Variants in HNF4G observed in about 807,000 individuals in gnomAD.
HNF4G encodes the protein hepatocyte nuclear factor 4 gamma.
Under a neutral mutation model 50.9 loss-of-function variants are expected in HNF4G, and 21 were observed. That is an observed-to-expected ratio of 0.41 (90% CI 0.29 to 0.59). The LOEUF is 0.59. Among genes scored for constraint, HNF4G ranks in the 20% least tolerant of loss-of-function variants. HNF4G has a pLI of 0.26. For missense variants in HNF4G, 527 were observed against 559.4 expected, an observed-to-expected ratio of 0.94 and a Z score of 0.58; for synonymous variants, 198 against 185.6, an observed-to-expected ratio of 1.07 and a Z score of -0.54.
intron 2 of HNF4G, among the ~76,000 whole-genome samples, chr8:75,512,085 T>A (rs1805770634): frequency 6.6e-6 from 1 of 152,140 alleles, no homozygotes; most frequent in South Asian, 2.1e-4. Flanking sequence ...TAATATTATA[T>A]TGTAAATTAT....
In HNF4G at chr8:75,560,423, A is replaced by G. The variant is rs1452037313; in HGVS notation, c.1203A>G (p.Ile401Met). Residue 401 changes from isoleucine (I) to methionine (M), a missense_variant, in exon 9 of 10, where the codon ATA becomes ATG. Around this residue, in one of 5 missense-constraint regions of HNF4G, gnomAD observed 308 missense variants for 301.5 expected, o/e 1.02. Coordinates refer to ENST00000396423, the MANE Select transcript of HNF4G (RefSeq NM_004133.5). ...LSQDPLTGQTILLGPMSTLVH... is the reference protein window; with the variant it reads ...LSQDPLTGQTMLLGPMSTLVH... ...AAGACCCATTAACTGGACAAACTATACTTTTAGGTCCCATGTCAACACTGG... is the reference window on the plus strand; with the variant it reads ...AAGACCCATTAACTGGACAAACTATGCTTTTAGGTCCCATGTCAACACTGG... The G allele has an allele frequency of 6.2e-7, 1 of 1,613,020 alleles. No homozygotes were observed. The highest frequency in any genetic ancestry group is 8.5e-7 in the Non-Finnish European group (1 of 1,179,300).
chr8:75,540,882 T>TGTGTGTGTGC (rs1806601765), intron 1 of HNF4G, among the ~76,000 whole-genome samples: 1 of 151,414 alleles, frequency 6.6e-6, no homozygotes, highest in Non-Finnish European at 1.5e-5. Context: ...TGTGTGTGTG[T>TGTGTGTGTGC]TTAATGCAAG....
At chr8:75,563,881 A>G in intron 9 of HNF4G, 94 bp from the exon 10 acceptor site, 1 of 1,369,070 alleles carries the variant, frequency 7.3e-7, no homozygotes, top group Non-Finnish European at 1.0e-6. Flanking sequence ...AACATTTCCA[A>G]ATTACGCTAA....
rs1319407722 is a variant in HNF4G at position 75,551,409 on chromosome 8, G to C, written c.404G>C (p.Arg135Thr). The C allele has an allele frequency of 6.2e-7, 1 of 1,610,850 alleles. No individual in the cohort carries two copies. The highest frequency in any genetic ancestry group is 8.5e-7 in the Non-Finnish European group (1 of 1,177,354). ...KKEAVQNERD[R>T]ISTRRSTFDG... ...CTAGCTGTACAAAATGAACGTGACA[G>C]AATAAGCACCAGAAGAAGCACATTT... Residue 135 changes from arginine (R) to threonine (T), a missense_variant, in exon 4 of 10, where the codon AGA (arginine) becomes ACA (threonine). Arg to Thr is a moderately conservative substitution (Grantham distance 71). This residue lies in a region of HNF4G where 128 missense variants were observed against 135.3 expected (regional missense o/e 0.95). Coordinates refer to ENST00000396423, the MANE Select transcript of HNF4G (RefSeq NM_004133.5).
In HNF4G at chr8:75,554,206, G is replaced by A. The variant is rs138580608; in HGVS notation, c.645+1009G>A. ...TAGCATGGCTCAGAAGGTTATGCCA[G>A]TGAATAACGCTAAATTGCTAAAACC... On this transcript the variant is annotated intron_variant, in intron 5 of 9. Coordinates refer to ENST00000396423, the MANE Select transcript of HNF4G (RefSeq NM_004133.5). Among the ~76,000 whole-genome samples, 875 of 152,232 alleles carry A rather than the reference G, an allele frequency of 5.7e-3. 7 individuals carry two copies. Among genetic ancestry groups the A allele is most frequent in the African/African-American group, 0.019 (779 of 41,552 alleles).
At chr8:75,466,130 A>G (rs1374462816) in intron 1 of HNF4G, among the ~76,000 whole-genome samples, 1 of 152,188 alleles carries the variant, frequency 6.6e-6, no homozygotes, top group Non-Finnish European at 1.5e-5. Context: ...TCCAAAATGC[A>G]AATATGTTTC....
chr8:75,515,822 A>G (rs144425528), intron 2 of HNF4G, among the ~76,000 whole-genome samples: 1,729 of 151,840 alleles, frequency 0.011, 33 homozygotes, highest in African/African-American at 0.04. Flanking sequence ...CTGGAGTGCA[A>G]TGGTGTGATC....
intron 1 of HNF4G, among the ~76,000 whole-genome samples, chr8:75,472,259 TA>T (rs1163181964): frequency 6.6e-6 from 1 of 152,188 alleles, no homozygotes; most frequent in Non-Finnish European, 1.5e-5. Flanking sequence ...AGAAAGTATT[TA>T]GCTTAGAAAT....
chr8:75,514,552 C>T (rs1055894829), intron 2 of HNF4G, among the ~76,000 whole-genome samples: 3 of 151,720 alleles, frequency 2.0e-5, no homozygotes, highest in African/African-American at 7.3e-5. Context: ...GGGGTTTCAC[C>T]ATGTTGGCCA....
intron 2 of HNF4G, among the ~76,000 whole-genome samples, chr8:75,530,044 G>C (rs1379719852): frequency 6.6e-6 from 1 of 152,042 alleles, no homozygotes; most frequent in Non-Finnish European, 1.5e-5. Context: ...TGAACCTGGG[G>C]ACTTGTGCCA....
intron 2 of HNF4G, among the ~76,000 whole-genome samples, chr8:75,516,746 C>A (rs1291613551): frequency 6.6e-6 from 1 of 151,994 alleles, no homozygotes; most frequent in Non-Finnish European, 1.5e-5. Context: ...TTGTTAAGTC[C>A]ATATATATTT....
At chr8:75,517,144 G>A (rs1805909445) in intron 2 of HNF4G, among the ~76,000 whole-genome samples, 1 of 152,064 alleles carries the variant, frequency 6.6e-6, no homozygotes. Context: ...AGAATAGCAT[G>A]GGAAAGACCC....
chr8:75,511,076 C>A (rs924172037), intron 2 of HNF4G, among the ~76,000 whole-genome samples: 1 of 151,890 alleles, frequency 6.6e-6, no homozygotes, highest in African/African-American at 2.4e-5. Context: ...ATTCATTTTT[C>A]TGTTCTGAGA....
chr8:75,432,781 A>T (rs1237672171), intron 1 of HNF4G, among the ~76,000 whole-genome samples: 1 of 152,152 alleles, frequency 6.6e-6, no homozygotes, highest in Non-Finnish European at 1.5e-5. Context: ...TAGTCCAGAA[A>T]TGACAGTGTG....
intron 2 of HNF4G, among the ~76,000 whole-genome samples, chr8:75,515,601 G>A (rs1213259489): frequency 6.6e-6 from 1 of 152,274 alleles, no homozygotes; most frequent in South Asian, 2.1e-4. Context: ...TGTAAGGTCT[G>A]TTTGGAGTCA....
rs139429237 is a variant in HNF4G, at chr8:75,434,002, CTT to C, written c.-144+25859_-144+25860del. Among the ~76,000 whole-genome samples, 697 of 123,276 alleles carry C rather than the reference CTT, an allele frequency of 5.7e-3. 1 individual carries two copies. Among genetic ancestry groups the C allele is most frequent in the African/African-American group, 0.019 (645 of 33,112 alleles). The allele number at this position is 123,276 out of a possible 152,430, so 80.9% of individuals were successfully genotyped here. A position where few individuals can be genotyped will look rare whatever the true frequency, so the allele number is the denominator to read the frequency against. ...CCTTAAAATAACTTATGTTTCTTTT[CTT>C]TTTTTTTTTTTTTTTTTTGAGACAA... On this transcript the variant is annotated intron_variant, in intron 1 of 10. Transcript: ENST00000354370.
intron 1 of HNF4G, among the ~76,000 whole-genome samples, chr8:75,486,116 T>C (rs1812491943): frequency 6.6e-6 from 1 of 152,214 alleles, no homozygotes. Flanking sequence ...AATGAATGAC[T>C]GAATGAATTA....
chr8:75,475,288 G>T (rs902391836), intron 1 of HNF4G, among the ~76,000 whole-genome samples: 1 of 152,172 alleles, frequency 6.6e-6, no homozygotes, highest in Non-Finnish European at 1.5e-5. Context: ...GATCACAGGC[G>T]TGAGCCACTG....
chr8:75,550,362 G>T (rs1254130150), intron 3 of HNF4G, among the ~76,000 whole-genome samples: 1 of 151,786 alleles, frequency 6.6e-6, no homozygotes, highest in Non-Finnish European at 1.5e-5. Context: ...ACTCAGGCTG[G>T]TGTGCAGTGG....
Sources: gnomAD v4.1 joint callset for allele counts (sites outside exome capture counted in the v4.1 genomes callset) on GRCh38, gnomAD v4.1.1 for gene constraint, gnomAD v4.1.1 regional missense constraint, MANE v1.5 for transcripts, NCBI Gene and HGNC (gene_info 2026-07-23, HGNC 2026-07-21) for gene names.